Variants in TBC1D4 observed in about 807,000 individuals in gnomAD.
TBC1D4 encodes TBC1 domain family member 4.
Under a neutral mutation model 142.5 loss-of-function variants are expected in TBC1D4, and 121 were observed. That is an observed-to-expected ratio of 0.85 (90% CI 0.73 to 0.99). The LOEUF (loss-of-function observed/expected upper bound fraction) is 0.99. TBC1D4 is among the 50% of genes least tolerant of loss of function. TBC1D4 has a pLI of 0.00. For missense variants in TBC1D4, 1,475 were observed against 1,606.6 expected (o/e 0.92, Z 1.40); for synonymous variants, 630 against 628.2 (o/e 1.00, Z -0.04).
rs1882638004 is a variant in TBC1D4, at chr13:75,362,671, G to C, written c.499-64C>G. The stretch of plus-strand genomic sequence containing the variant: ...TTTTGAGACAATTTACATTTACCTA[G>C]CCCAATTATTACCACATGGAATGTA... On this transcript the variant is annotated intron_variant, in intron 1 of 20. Coordinates refer to ENST00000377636, the MANE Select transcript of TBC1D4 (RefSeq NM_014832.5). The surrounding 1 kb of genome is among the most constrained non-coding windows in gnomAD (Gnocchi z 4.2). The C allele has an allele frequency of 6.5e-7, 1 of 1,539,076 alleles. No individual in the cohort carries two copies. Among genetic ancestry groups the C allele is most frequent in the African/African-American group, 1.4e-5 (1 of 73,210 alleles).
At chr13:75,369,688 A>G (rs911094938) in intron 1 of TBC1D4, among the ~76,000 whole-genome samples, 2 of 152,240 alleles carry the variant, frequency 1.3e-5, no homozygotes, top group African/African-American at 4.8e-5. Context: ...TTCATATGCA[A>G]AATGGAAATC....
At chr13:75,410,526 G>A (rs535739292) in intron 1 of TBC1D4, among the ~76,000 whole-genome samples, 1 of 152,150 alleles carries the variant, frequency 6.6e-6, no homozygotes, top group South Asian at 2.1e-4. Context: ...GTTGGGTCAG[G>A]GCACACCACA....
chr13:75,479,887 GA>G (rs1220408257), intron 1 of TBC1D4, among the ~76,000 whole-genome samples: 1 of 151,996 alleles, frequency 6.6e-6, no homozygotes, highest in East Asian at 1.9e-4. Flanking sequence ...TTCACATTAG[GA>G]GTTCTGATTG....
chr13:75,306,503 T>G, intron 14 of TBC1D4, 32 bp from the exon 15 acceptor site: 1 of 1,611,028 alleles, frequency 6.2e-7, no homozygotes, highest in Non-Finnish European at 8.5e-7. Context: ...GTAAGACCAA[T>G]GTGTTTTTCA....
chr13:75,415,223 T>C (rs1261290328), intron 1 of TBC1D4, among the ~76,000 whole-genome samples: 1 of 152,068 alleles, frequency 6.6e-6, no homozygotes, highest in Non-Finnish European at 1.5e-5. Context: ...ACTTAAGACT[T>C]TAAAAGAAGA....
At position 75,408,134 on chromosome 13, in the gene TBC1D4, C is replaced by G. The variant is rs909474666; in HGVS notation, c.499-45527G>C. On this transcript the variant is annotated intron_variant, in intron 1 of 20. Coordinates refer to ENST00000377636, the MANE Select transcript of TBC1D4 (RefSeq NM_014832.5). ...CATATCTGGACCTTACCCCCTTCCC[C>G]CAAACACTGATTTAATTTCTCTATG... is the stretch of plus-strand genomic sequence containing the variant. 1.2e-3 allele frequency among the ~76,000 whole-genome samples: 188 copies of G among 152,114 alleles called. 1 individual carries two copies. The highest frequency in any genetic ancestry group is 1.5e-4 in the Non-Finnish European group (10 of 68,012).
At chr13:75,480,719 C>T (rs1175838120) in intron 1 of TBC1D4, among the ~76,000 whole-genome samples, 1 of 152,238 alleles carries the variant, frequency 6.6e-6, no homozygotes, top group Non-Finnish European at 1.5e-5. Context: ...CTAAGCCCCG[C>T]TCGGAAATTG....
intron 13 of TBC1D4, among the ~76,000 whole-genome samples, chr13:75,311,504 T>C (rs1177384664): frequency 6.6e-6 from 1 of 152,218 alleles, no homozygotes; most frequent in African/African-American, 2.4e-5. Context: ...GTTTTAAAAT[T>C]TTAATACCTG....
chr13:75,297,439 C>T (rs757512207), intron 17 of TBC1D4, among the ~76,000 whole-genome samples: 1 of 152,032 alleles, frequency 6.6e-6, no homozygotes, highest in Non-Finnish European at 1.5e-5. Context: ...CTTACAAGAC[C>T]ATCTGATTCC....
At chr13:75,480,888 C>CAA (rs1450870315) in intron 1 of TBC1D4, among the ~76,000 whole-genome samples, 5 of 118,236 alleles carry the variant, frequency 4.2e-5, no homozygotes, top group Admixed American at 9.6e-5. Flanking sequence ...CACACACACA[C>CAA]ACACACACAC....
At chr13:75,409,645 A>T (rs2138388491) in intron 1 of TBC1D4, among the ~76,000 whole-genome samples, 1 of 152,378 alleles carries the variant, frequency 6.6e-6, no homozygotes, top group Admixed American at 6.5e-5. Flanking sequence ...ACAGTAAAAT[A>T]CACGGAATCT....
intron 1 of TBC1D4, among the ~76,000 whole-genome samples, chr13:75,410,740 T>C (rs2138396937): frequency 6.6e-6 from 1 of 151,440 alleles, no homozygotes; most frequent in Middle Eastern, 3.4e-3. Flanking sequence ...ATCGAGACCA[T>C]CCTGGCTAAC....
chr13:75,466,471 A>C (rs1274863365), intron 1 of TBC1D4, among the ~76,000 whole-genome samples: 2 of 152,068 alleles, frequency 1.3e-5, no homozygotes, highest in Non-Finnish European at 2.9e-5. Flanking sequence ...TTAAATCAAC[A>C]ATTTTCTAAT....
chr13:75,363,320 G>C (rs115084083), intron 1 of TBC1D4, among the ~76,000 whole-genome samples: 2,254 of 152,270 alleles, frequency 0.015, 58 homozygotes, highest in African/African-American at 0.051. Context: ...AGGCACTTTT[G>C]TCCCAATACC....
intron 2 of TBC1D4, 31 bp downstream of exon 2, chr13:75,361,995 G>C: frequency 5.0e-6 from 8 of 1,613,280 alleles, no homozygotes; most frequent in Non-Finnish European, 6.8e-6. Context: ...ACCTTTTGGG[G>C]CAAGGGCAGA....
At chr13:75,392,662 GTC>G (rs1884552528) in intron 1 of TBC1D4, among the ~76,000 whole-genome samples, 1 of 147,338 alleles carries the variant, frequency 6.8e-6, no homozygotes, top group African/African-American at 2.5e-5. Flanking sequence ...AAGAGACAGA[GTC>G]TCTCTCTGTT....
intron 17 of TBC1D4, among the ~76,000 whole-genome samples, chr13:75,296,575 C>G (rs539699376): frequency 6.6e-6 from 1 of 152,198 alleles, no homozygotes; most frequent in South Asian, 2.1e-4. Context: ...TCAAAGAAAG[C>G]TTTAATGATA....
intron 1 of TBC1D4, among the ~76,000 whole-genome samples, chr13:75,443,707 AAT>A (rs1343842237): frequency 6.6e-6 from 1 of 152,216 alleles, no homozygotes; most frequent in Non-Finnish European, 1.5e-5. Context: ...TTAAAGGGAC[AAT>A]AGATTCCCCT....
chr13:75,419,826 G>A (rs1317871168), intron 1 of TBC1D4, among the ~76,000 whole-genome samples: 2 of 152,134 alleles, frequency 1.3e-5, no homozygotes, highest in African/African-American at 4.8e-5. Flanking sequence ...TATATGATAT[G>A]GTGTCTCTCA....
Sources: gnomAD v4.1 joint callset for allele counts (sites outside exome capture counted in the v4.1 genomes callset) on GRCh38, gnomAD v4.1.1 for gene constraint, Gnocchi (gnomAD v3.1) non-coding constraint, MANE v1.5 for transcripts, NCBI Gene and HGNC (gene_info 2026-07-23, HGNC 2026-07-21) for gene names.